TRIM61: variants seen among roughly 807,000 people sequenced by gnomAD.
The protein encoded by TRIM61 is putative tripartite motif-containing protein 61.
TRIM61 carries 1 observed loss-of-function variant against 14.2 expected under a neutral mutation model. That is an observed-to-expected ratio of 0.07 (90% CI 0.03 to 0.33). TRIM61 has a LOEUF of 0.33. Among genes scored for constraint, TRIM61 ranks in the 10% least tolerant of loss-of-function variants. TRIM61 has a pLI of 0.99. For missense variants in TRIM61, 19 were observed against 202.2 expected (o/e 0.09, Z 5.49); for synonymous variants, 8 against 71.6 (o/e 0.11, Z 4.49).
chr4:164,958,601 G>C (rs1430119496), intron 3 of TRIM61: 1 of 166,984 alleles, frequency 6.0e-6, no homozygotes, highest in African/African-American at 2.4e-5. Flanking sequence ...CAATAAAACA[G>C]TATTAGAAAT....
chr4:164,965,341 G>A (rs1199176499), intron 3 of TRIM61, among the ~76,000 whole-genome samples: 1 of 151,862 alleles, frequency 6.6e-6, no homozygotes, highest in Non-Finnish European at 1.5e-5. Flanking sequence ...AGCACCTGGA[G>A]CTTGAATTTA....
intron 3 of TRIM61, chr4:164,957,475 G>C (rs1339518369): frequency 1.2e-6 from 2 of 1,613,180 alleles, no homozygotes; most frequent in African/African-American, 2.7e-5. Flanking sequence ...GCTGGCTCCC[G>C]CTGGGCTCAC....
At chr4:164,960,554 CAAA>C (rs70952670) in intron 3 of TRIM61, among the ~76,000 whole-genome samples, 4 of 127,742 alleles carry the variant, frequency 3.1e-5, no homozygotes, top group Admixed American at 7.6e-5. Flanking sequence ...GACTCTGTCT[CAAA>C]AAAAAAAAAA....
Position 164,954,978 on chromosome 4 carries a change from G to A in TRIM61, c.*14C>T. ...TAGCTGGGCATGGTGGAGGGCACCTGTAGTCCCAGCTACTCAGGAGCCAGA... is the reference window on the plus strand; with the variant it reads ...TAGCTGGGCATGGTGGAGGGCACCTATAGTCCCAGCTACTCAGGAGCCAGA... On this transcript the variant is annotated splice_region_variant and 3_prime_UTR_variant, in exon 4 of 5. Coordinates refer to ENST00000329314, the MANE Select transcript of TRIM61 (RefSeq NM_001012414.3). 1 of 312,958 alleles carries A rather than the reference G, an allele frequency of 3.2e-6. No homozygotes were observed. Among genetic ancestry groups the A allele is most frequent in the Non-Finnish European group, 6.5e-6 (1 of 154,008 alleles). 19.4% of individuals were successfully genotyped at this position (312,958 alleles called of 1,614,324 possible).
chr4:164,962,129 AAGG>A (rs1239432276), intron 3 of TRIM61, among the ~76,000 whole-genome samples: 2 of 152,100 alleles, frequency 1.3e-5, no homozygotes, highest in African/African-American at 4.8e-5. Flanking sequence ...GCAGTGCATG[AAGG>A]AGGATAAGAA....
At chr4:164,957,425 C>T (rs768046529) in intron 3 of TRIM61, 7 of 1,613,946 alleles carry the variant, frequency 4.3e-6, no homozygotes, top group Non-Finnish European at 5.9e-6. Context: ...GTCCCAGCCT[C>T]TTTTTGTGAC....
intron 3 of TRIM61, among the ~76,000 whole-genome samples, chr4:164,966,426 A>C (rs943161260): frequency 9.2e-5 from 14 of 152,220 alleles, no homozygotes; most frequent in Admixed American, 3.9e-4. Context: ...GGGACATCAT[A>C]ATACTTCAAA....
chr4:164,957,575 C>A, intron 3 of TRIM61: 1 of 1,391,298 alleles, frequency 7.2e-7, no homozygotes, highest in Non-Finnish European at 9.7e-7. Context: ...TTAAATAAGC[C>A]AAAACTAAAC....
intron 3 of TRIM61, among the ~76,000 whole-genome samples, chr4:164,955,843 T>C (rs1300191802): frequency 6.6e-6 from 1 of 152,028 alleles, no homozygotes. Flanking sequence ...TTTGGCAGTT[T>C]TATGAGATTA....
intron 2 of TRIM61, among the ~76,000 whole-genome samples, chr4:164,973,010 T>A (rs1579150461): frequency 6.6e-6 from 1 of 152,144 alleles, no homozygotes; most frequent in Non-Finnish European, 1.5e-5. Flanking sequence ...CAAACACAGG[T>A]ATCATGCTTT....
At chr4:164,975,480 G>A (rs1732462242) in intron 2 of TRIM61, among the ~76,000 whole-genome samples, 1 of 152,212 alleles carries the variant, frequency 6.6e-6, no homozygotes. Flanking sequence ...GCTTTGCTGA[G>A]ATGTTGTTAA....
chr4:164,967,354 C>G (rs546126408), intron 3 of TRIM61, among the ~76,000 whole-genome samples: 8 of 152,260 alleles, frequency 5.3e-5, no homozygotes, highest in East Asian at 1.9e-4. Context: ...TTTGTTGACA[C>G]AAGTTTTCCA....
intron 3 of TRIM61, among the ~76,000 whole-genome samples, chr4:164,960,393 AAAAG>A (rs1732106862): frequency 6.6e-6 from 1 of 151,928 alleles, no homozygotes; most frequent in Non-Finnish European, 1.5e-5. Context: ...AAATACAAAA[AAAAG>A]AAAAAAAAAT....
rs1270143032 is a variant in TRIM61 at position 164,960,893 on chromosome 4, G to T, written c.526-5797C>A. Among the ~76,000 whole-genome samples, 13 of 152,148 alleles carry T rather than the reference G, an allele frequency of 8.5e-5. 1 individual carries two copies. The East Asian group carries it at 2.5e-3, about 29-fold the overall frequency. ...TTGAAACCAGGAAGCGGAGGTCGTA[G>T]TGAGCCAAGATGGTGCCACTGCACT... On this transcript the variant is annotated intron_variant, in intron 3 of 4. Coordinates refer to ENST00000329314, the MANE Select transcript of TRIM61 (RefSeq NM_001012414.3).
chr4:164,957,512 G>A (rs1185039357), intron 3 of TRIM61: 1 of 1,588,864 alleles, frequency 6.3e-7, no homozygotes, highest in African/African-American at 1.4e-5. Flanking sequence ...GCTGCCTCAA[G>A]GAAGAAGCTC....
chr4:164,958,118 G>A (rs897620301), intron 3 of TRIM61: 6 of 167,106 alleles, frequency 3.6e-5, no homozygotes, highest in African/African-American at 1.4e-4. Flanking sequence ...GGAAGAGAAA[G>A]AGGACAAAAT....
chr4:164,963,468 T>G (rs1258246441), intron 3 of TRIM61, among the ~76,000 whole-genome samples: 1 of 152,016 alleles, frequency 6.6e-6, no homozygotes, highest in Non-Finnish European at 1.5e-5. Context: ...ATCACACAAA[T>G]GACAGGGCAC....
intron 3 of TRIM61, among the ~76,000 whole-genome samples, chr4:164,955,538 C>T (rs1731964783): frequency 7.3e-6 from 1 of 136,072 alleles, no homozygotes; most frequent in Admixed American, 8.6e-5. Context: ...CACTGCAGTC[C>T]AGCCTGGGTG....
chr4:164,955,033 G>A lies in TRIM61; in HGVS notation c.589C>T (p.Arg197Cys), dbSNP rs111408210. Residue 197 changes from arginine to cysteine, a missense_variant, in exon 4 of 5, where the codon CGC becomes TGC. Around this residue, in one of 2 missense-constraint regions of TRIM61, gnomAD observed 2 missense variants for 96.6 expected, o/e 0.02. Transcript: ENST00000329314. ...GAAGAATCGCTTGATCCCGGGAGGC[G>A]GAGGTTGAAGTGAGCCGAGATCGTG... 2.4e-4 allele frequency: 66 copies of A among 271,580 alleles called. No individual in the cohort carries two copies. The Middle Eastern group carries it at 3.9e-3, about 16-fold the overall frequency. The allele number at this position is 271,580 out of a possible 1,614,324, so 16.8% of individuals were successfully genotyped here.
Sources: gnomAD v4.1 joint callset for allele counts (sites outside exome capture counted in the v4.1 genomes callset) on GRCh38, gnomAD v4.1.1 for gene constraint, gnomAD v4.1.1 regional missense constraint, MANE v1.5 for transcripts, NCBI Gene and HGNC (gene_info 2026-07-23, HGNC 2026-07-21) for gene names.